The following CEP350 variants were observed in gnomAD, a reference collection of about 807,000 sequenced individuals.
CEP350 encodes centrosomal protein 350, also known as centrosome-associated protein 350.
In CEP350, 126 loss-of-function variants were observed where a neutral mutation model predicts 331.8. The observed-to-expected ratio is 0.38, with a 90% confidence interval of 0.33 to 0.44. The LOEUF is 0.44. Ranked by LOEUF, CEP350 falls within the 20% of genes least tolerant of loss-of-function variation. The pLI, the probability that CEP350 is intolerant of heterozygous loss-of-function variation, is 1.00. For synonymous variants in CEP350, 1,200 were observed against 1,259.5 expected, an observed-to-expected ratio of 0.95 and a Z score of 1.00; for missense variants, 3,406 against 3,634.6, an observed-to-expected ratio of 0.94 and a Z score of 1.62.
intron 25 of CEP350, among the ~76,000 whole-genome samples, chr1:180,055,226 A>C (rs951616356): frequency 3.9e-5 from 6 of 152,216 alleles, no homozygotes; most frequent in Non-Finnish European, 8.8e-5. Flanking sequence ...TTGTCACTTG[A>C]AACTGTGTAA....
chr1:179,955,179 C>T, intron 1 of CEP350, 37 bp downstream of exon 1: 3 of 1,350,712 alleles, frequency 2.2e-6, no homozygotes, highest in Non-Finnish European at 2.9e-6. Flanking sequence ...ACCGCGGAGT[C>T]TCGCTCAGCC....
intron 27 of CEP350, chr1:180,074,019 CTCT>C (rs1202429744): frequency 1.0e-6 from 1 of 967,680 alleles, no homozygotes; most frequent in Non-Finnish European, 1.4e-6. Flanking sequence ...GCCTGGAGGC[CTCT>C]TATCAAATGT....
chr1:180,045,070 A>G (rs1398854568), intron 21 of CEP350, among the ~76,000 whole-genome samples: 1 of 152,170 alleles, frequency 6.6e-6, no homozygotes, highest in Non-Finnish European at 1.5e-5. Flanking sequence ...GGCCGGGCAC[A>G]GTGACTCACG....
At position 180,111,113 on chromosome 1, in the gene CEP350, T is replaced by C. The variant is rs759393406; in HGVS notation, c.9306T>C (p.Asp3102=). 2 of 1,614,020 alleles carry C rather than the reference T, an allele frequency of 1.2e-6. No homozygotes were observed. The highest frequency in any genetic ancestry group is 1.7e-6 in the Non-Finnish European group (2 of 1,179,894). ...IFETLIKDTI[D]VLNQISEKQG... The stretch of plus-strand genomic sequence containing the variant: ...AGACCCTGATCAAAGATACTATTGA[T>C]GTTCTGAATCAGATCAGTGAAAAGC... Residue 3102 remains aspartate (D), a synonymous_variant, in exon 38 of 38, where the codon GAT becomes GAC. Coordinates refer to ENST00000367607, the MANE Select transcript of CEP350 (RefSeq NM_014810.5).
intron 3 of CEP350, among the ~76,000 whole-genome samples, chr1:179,988,368 G>A (rs1652802598): frequency 6.6e-6 from 1 of 151,960 alleles, no homozygotes; most frequent in Non-Finnish European, 1.5e-5. Context: ...CTCATTGTTA[G>A]GGAGGAAATG....
In CEP350 at chr1:180,094,388, C is replaced by T; in HGVS notation, c.8283C>T (p.Val2761=). The part of the protein sequence containing the change: ...ISLLTDSLLK[V]FVKDTVNQLQ... ...TACTGACAGACAGTTTACTAAAAGT[C>T]TTTGTAAAGGACACAGTCAATCAAC... is the stretch of plus-strand genomic sequence containing the variant. The change falls in exon 34 of 38, where the codon GTC becomes GTT. Residue 2761 remains valine (V), a synonymous_variant. Coordinates refer to ENST00000367607, the MANE Select transcript of CEP350 (RefSeq NM_014810.5). The T allele has an allele frequency of 6.2e-7, 1 of 1,613,748 alleles. No homozygotes were observed. Among genetic ancestry groups the T allele is most frequent in the Non-Finnish European group, 8.5e-7 (1 of 1,179,820 alleles).
intron 1 of CEP350, chr1:179,969,476 C>A: frequency 4.2e-6 from 2 of 481,006 alleles, no homozygotes; most frequent in South Asian, 3.0e-5. Context: ...GCTCAGGCCA[C>A]TGAATGGGTA....
intron 8 of CEP350, 65 bp downstream of exon 8, chr1:180,006,632 A>C: frequency 1.2e-6 from 1 of 838,842 alleles, no homozygotes; most frequent in Non-Finnish European, 2.0e-6. Context: ...TTATACTTTA[A>C]GTTTTGGGAT....
intron 5 of CEP350, among the ~76,000 whole-genome samples, chr1:179,994,215 T>G (rs572961392): frequency 6.6e-6 from 1 of 152,036 alleles, no homozygotes; most frequent in South Asian, 2.1e-4. Flanking sequence ...TACTTTTTGT[T>G]GGGGGGGTGT....
chr1:180,069,188 C>T (rs1277300789), intron 27 of CEP350, among the ~76,000 whole-genome samples: 1 of 152,192 alleles, frequency 6.6e-6, no homozygotes, highest in Non-Finnish European at 1.5e-5. Flanking sequence ...AGTCACAAAA[C>T]ATTTTAAATA....
chr1:179,967,516 G>C (rs9699897), intron 1 of CEP350, among the ~76,000 whole-genome samples: 8 of 151,998 alleles, frequency 5.3e-5, no homozygotes, highest in Admixed American at 5.2e-4. Context: ...GGTTCAAGCA[G>C]TTCTCCTGTC....
At chr1:180,109,506 T>C (rs2149203523) in intron 37 of CEP350, among the ~76,000 whole-genome samples, 1 of 152,340 alleles carries the variant, frequency 6.6e-6, no homozygotes, top group South Asian at 2.1e-4. Flanking sequence ...GTAAGACTTC[T>C]AGTTAGAGAC....
At chr1:180,068,468 T>G (rs1218911571) in intron 27 of CEP350, among the ~76,000 whole-genome samples, 1 of 152,160 alleles carries the variant, frequency 6.6e-6, no homozygotes, top group African/African-American at 2.4e-5. Flanking sequence ...TGTTTTTGGT[T>G]TTATTGTTAA....
chr1:180,027,627 C>T (rs1655766543), intron 14 of CEP350, among the ~76,000 whole-genome samples: 1 of 152,166 alleles, frequency 6.6e-6, no homozygotes. Flanking sequence ...TCAAGCAATC[C>T]ACCTGTTTTA....
chr1:180,093,898 C>T lies in CEP350; in HGVS notation c.7793C>T (p.Thr2598Ile). The part of the protein sequence containing the change: ...YQCYNQEQND[T>I]EGPKDREKDV... Reference sequence around the variant, plus strand: ...TGCTATAATCAAGAGCAAAATGATACAGAGGGTCCAAAAGACAGAGAAAAG... The same window carrying T: ...TGCTATAATCAAGAGCAAAATGATATAGAGGGTCCAAAAGACAGAGAAAAG... Residue 2598 changes from threonine (T) to isoleucine (I), a missense_variant, in exon 34 of 38, where the codon ACA (threonine) becomes ATA (isoleucine). Transcript: ENST00000367607. 1 of 1,613,782 alleles carries T rather than the reference C, an allele frequency of 6.2e-7. No homozygotes were observed. Among genetic ancestry groups the T allele is most frequent in the Non-Finnish European group, 8.5e-7 (1 of 1,179,838 alleles).
intron 36 of CEP350, among the ~76,000 whole-genome samples, chr1:180,098,405 A>G (rs542964622): frequency 6.6e-6 from 1 of 152,164 alleles, no homozygotes; most frequent in South Asian, 2.1e-4. Flanking sequence ...CAGTGGTGCA[A>G]TCTCAGCTCA....
chr1:180,048,677 T>C lies in CEP350; in HGVS notation c.4764T>C (p.Asp1588=). 1 of 1,612,218 alleles carries C rather than the reference T, an allele frequency of 6.2e-7. No homozygotes were observed. The highest frequency in any genetic ancestry group is 8.5e-7 in the Non-Finnish European group (1 of 1,179,130). ...CTGCAGATGATTCTCTACGAAGTGA[T>C]AGTGTTCCATCTCTTCCTGATGAAA... The part of the protein sequence containing the change: ...QTAADDSLRS[D]SVPSLPDEKD... Residue 1588 remains aspartate (D), a synonymous_variant, in exon 22 of 38, where the codon GAT becomes GAC. Coordinates refer to ENST00000367607, the MANE Select transcript of CEP350 (RefSeq NM_014810.5).
intron 22 of CEP350, among the ~76,000 whole-genome samples, chr1:180,051,536 A>G (rs1054046393): frequency 6.6e-6 from 1 of 152,204 alleles, no homozygotes; most frequent in African/African-American, 2.4e-5. Context: ...GTGTGTATGT[A>G]TGTTCTGTAT....
chr1:179,977,757 C>A (rs985453874), intron 1 of CEP350, among the ~76,000 whole-genome samples: 1 of 152,018 alleles, frequency 6.6e-6, no homozygotes, highest in Non-Finnish European at 1.5e-5. Flanking sequence ...TCAGTTATAA[C>A]CTTAGTTTAC....
Sources: allele counts gnomAD v4.1 joint callset (sites outside exome capture counted in the v4.1 genomes callset), GRCh38; gene constraint gnomAD v4.1.1; transcripts MANE v1.5; gene names NCBI Gene and HGNC (gene_info 2026-07-23, HGNC 2026-07-21).